Variants in EPHA4 observed in about 807,000 individuals in gnomAD.
EPHA4 encodes ephrin type-A receptor 4.
EPHA4 carries 19 observed loss-of-function variants against 108.3 expected under a neutral mutation model. The observed-to-expected ratio is 0.18, with a 90% confidence interval of 0.12 to 0.26. The LOEUF (loss-of-function observed/expected upper bound fraction) is 0.26. EPHA4 is among the 10% of genes least tolerant of loss of function. The pLI is 1.00. For missense variants in EPHA4, 917 were observed against 1,254.0 expected (o/e 0.73, Z 4.06); for synonymous variants, 449 against 455.5 (o/e 0.99, Z 0.18).
chr2:221,445,607 A>G lies in EPHA4; in HGVS notation c.1774+516T>C, dbSNP rs538036800. 2.4e-3 allele frequency among the ~76,000 whole-genome samples: 365 copies of G among 151,782 alleles called. 1 individual carries two copies. Among genetic ancestry groups the G allele is most frequent in the African/African-American group, 7.7e-3 (317 of 41,340 alleles). On this transcript the variant is annotated intron_variant, in intron 9 of 17. Transcript: ENST00000281821. Reference sequence around the variant, plus strand: ...TCCGTCAGAAAAAAAAAAAAAAAAAAAAGTCTTCTACCTTGCTTAAGTCAC... The same window carrying G: ...TCCGTCAGAAAAAAAAAAAAAAAAAGAAGTCTTCTACCTTGCTTAAGTCAC...
At chr2:221,485,629 G>A (rs779418386) in intron 4 of EPHA4, among the ~76,000 whole-genome samples, 9 of 152,106 alleles carry the variant, frequency 5.9e-5, no homozygotes, top group Non-Finnish European at 8.8e-5. Context: ...GAGGACACAC[G>A]CTTTACAAAT....
chr2:221,567,012 A>AAGAAGAAG (rs879781384), intron 2 of EPHA4, among the ~76,000 whole-genome samples: 1 of 67,696 alleles, frequency 1.5e-5, no homozygotes, highest in Non-Finnish European at 4.0e-5. Flanking sequence ...AGAAGAAGAA[A>AAGAAGAAG]AAAATGTCTG....
At chr2:221,452,433 C>G (rs910537976) in intron 8 of EPHA4, among the ~76,000 whole-genome samples, 4 of 152,264 alleles carry the variant, frequency 2.6e-5, no homozygotes, top group Non-Finnish European at 5.9e-5. Flanking sequence ...TCCCCACTAC[C>G]TGTCTCCTCT....
intron 3 of EPHA4, among the ~76,000 whole-genome samples, chr2:221,528,729 C>T (rs561490811): frequency 6.6e-6 from 1 of 152,256 alleles, no homozygotes; most frequent in African/African-American, 2.4e-5. Context: ...TGTGCTGCTT[C>T]CCTGACACCA....
At position 221,499,715 on chromosome 2, in the gene EPHA4, A is replaced by AATAT. The variant is rs369326575; in HGVS notation, c.979+1298_979+1301dup. ...AATAGTCATAATGATAACTAAAACT[A>AATAT]ATATATATATATATATATATATATA... On this transcript the variant is annotated intron_variant, in intron 4 of 17. Coordinates refer to ENST00000281821, the MANE Select transcript of EPHA4 (RefSeq NM_004438.5). 4.4e-3 allele frequency among the ~76,000 whole-genome samples: 215 copies of AATAT among 48,426 alleles called. 6 individuals are homozygous for AATAT. The highest frequency in any genetic ancestry group is 6.7e-3 in the East Asian group (9 of 1,338). The allele number at this position is 48,426 out of a possible 152,430, so 31.8% of individuals were successfully genotyped here. A position where few individuals can be genotyped will look rare whatever the true frequency, so the allele number is the denominator to read the frequency against.
chr2:221,426,444 T>C lies in EPHA4; in HGVS notation c.2846+20A>G. 1 of 1,578,174 alleles carries C rather than the reference T, an allele frequency of 6.3e-7. No homozygotes were observed. Among genetic ancestry groups the C allele is most frequent in the East Asian group, 2.2e-5 (1 of 44,542 alleles). Reference sequence around the variant, plus strand: ...TTAAATCTAGATTTACCCTTTCGTGTTACATCGTTGAGTACTTACTCCTGG... The same window carrying C: ...TTAAATCTAGATTTACCCTTTCGTGCTACATCGTTGAGTACTTACTCCTGG... On this transcript the variant is annotated intron_variant, in intron 16 of 17. Coordinates refer to ENST00000281821, the MANE Select transcript of EPHA4 (RefSeq NM_004438.5).
intron 5 of EPHA4, among the ~76,000 whole-genome samples, chr2:221,463,406 C>A (rs1574584148): frequency 1.3e-5 from 2 of 152,286 alleles, no homozygotes; most frequent in East Asian, 3.9e-4. Context: ...GAAATAGAAT[C>A]CCCATTTGCT....
rs111424119 is a variant in EPHA4 at position 221,518,247 on chromosome 2, A to G, written c.824-17075T>C. Among the ~76,000 whole-genome samples the G allele has an allele frequency of 6.0e-3, 907 of 152,184 alleles. 3 individuals carry two copies. The highest frequency in any genetic ancestry group is 0.02 in the African/African-American group (827 of 41,506). On this transcript the variant is annotated intron_variant, in intron 3 of 17. Transcript: ENST00000281821. ...TTAAGAGCTCAGTCCTTATCCTCCA[A>G]TGCAAAATGGTCCTCACCTCCAGCT... is the stretch of plus-strand genomic sequence containing the variant.
At chr2:221,424,181 C>T (rs1208677607) in intron 17 of EPHA4, among the ~76,000 whole-genome samples, 1 of 151,070 alleles carries the variant, frequency 6.6e-6, no homozygotes, top group African/African-American at 2.4e-5. Flanking sequence ...ACAAAAAAGT[C>T]CTACATTTGT....
chr2:221,461,951 G>A (rs1426415760), intron 5 of EPHA4, among the ~76,000 whole-genome samples: 1 of 150,218 alleles, frequency 6.7e-6, no homozygotes, highest in Non-Finnish European at 1.5e-5. Context: ...CAGAAGCAAA[G>A]CCAGGAAGAA....
Position 221,564,056 on chromosome 2 carries a change from C to T in EPHA4, c.498G>A (p.Leu166=), listed in dbSNP as rs765320073. 1 of 1,614,106 alleles carries T rather than the reference C, an allele frequency of 6.2e-7. No individual in the cohort carries two copies. The highest frequency in any genetic ancestry group is 1.7e-5 in the Admixed American group (1 of 60,014). The change falls in exon 3 of 18, where the codon CTG becomes CTA. Residue 166 remains leucine, a synonymous_variant. Transcript: ENST00000281821. ...QVDIGDRIMK[L]NTEIRDVGPL... ...GCCCTACATCCCGGATCTCGGTGTT[C>T]AGCTTCATGATTCTGTCACCAATGT...
chr2:221,542,890 TGA>T (rs1693877637), intron 3 of EPHA4, among the ~76,000 whole-genome samples: 1 of 152,192 alleles, frequency 6.6e-6, no homozygotes, highest in Non-Finnish European at 1.5e-5. Context: ...CAAAAAACCT[TGA>T]GAAAGTAAAA....
chr2:221,481,807 T>A (rs1429926819), intron 5 of EPHA4, among the ~76,000 whole-genome samples: 1 of 152,206 alleles, frequency 6.6e-6, no homozygotes, highest in African/African-American at 2.4e-5. Context: ...ATCAAAACTA[T>A]TGCTGCTAAT....
intron 3 of EPHA4, among the ~76,000 whole-genome samples, chr2:221,522,661 T>C (rs1693197494): frequency 1.3e-5 from 2 of 152,186 alleles, no homozygotes; most frequent in Non-Finnish European, 2.9e-5. Context: ...TTTTACCTTC[T>C]GAGAGTTCAA....
chr2:221,498,702 C>T (rs1010523237), intron 4 of EPHA4, among the ~76,000 whole-genome samples: 3 of 151,794 alleles, frequency 2.0e-5, no homozygotes, highest in African/African-American at 7.3e-5. Context: ...CAGCCTTGAC[C>T]TCCCAGGCTC....
intron 3 of EPHA4, among the ~76,000 whole-genome samples, chr2:221,506,447 A>G (rs2106161780): frequency 1.3e-5 from 2 of 152,326 alleles, no homozygotes; most frequent in Middle Eastern, 6.8e-3. Flanking sequence ...CACAGTACAG[A>G]TGGAATATTA....
intron 8 of EPHA4, among the ~76,000 whole-genome samples, chr2:221,451,145 C>T (rs772382547): frequency 2.0e-5 from 3 of 152,080 alleles, no homozygotes; most frequent in South Asian, 2.1e-4. Context: ...ACCCATGAGG[C>T]GGAGGTCTCA....
rs147735576 is a variant in EPHA4 at position 221,559,305 on chromosome 2, T to A, written c.823+4426A>T. The stretch of plus-strand genomic sequence containing the variant: ...CTCCAAAAGAATGTTTTTATTGGTA[T>A]TATTTTTTATATGTATGCTCTGAAA... On this transcript the variant is annotated intron_variant, in intron 3 of 17. Transcript: ENST00000281821. Among the ~76,000 whole-genome samples the A allele has an allele frequency of 6.5e-3, 994 of 152,336 alleles. 10 individuals carry two copies. Among genetic ancestry groups the A allele is most frequent in the African/African-American group, 0.022 (917 of 41,582 alleles).
At chr2:221,446,422 A>G (rs1239866227) in intron 8 of EPHA4, among the ~76,000 whole-genome samples, 1 of 152,110 alleles carries the variant, frequency 6.6e-6, no homozygotes, top group African/African-American at 2.4e-5. Flanking sequence ...GTGTCTTACA[A>G]TAGGTTAAAG....
Sources: gnomAD v4.1 joint callset for allele counts (sites outside exome capture counted in the v4.1 genomes callset) on GRCh38, gnomAD v4.1.1 for gene constraint, MANE v1.5 for transcripts, NCBI Gene and HGNC (gene_info 2026-07-23, HGNC 2026-07-21) for gene names.